Variants in XAF1 observed in about 807,000 individuals in gnomAD.
XAF1 encodes XIAP associated factor 1.
In XAF1, 32 loss-of-function variants were observed where a neutral mutation model predicts 32.3. That is an observed-to-expected ratio of 0.99 (90% confidence interval 0.75 to 1.33). XAF1 has a LOEUF of 1.33. Ranked by LOEUF, XAF1 falls within the 40% of genes most tolerant of loss-of-function variation. XAF1 has a pLI of 0.00. For missense variants in XAF1, 379 were observed against 366.0 expected, an observed-to-expected ratio of 1.04 and a Z score of -0.29; for synonymous variants, 120 against 125.9, an observed-to-expected ratio of 0.95 and a Z score of 0.31.
At chr17:6,762,001 G>T in intron 4 of XAF1, 154 bp from the exon 5 acceptor site, 1 of 1,537,448 alleles carries the variant, frequency 6.5e-7, no homozygotes, top group Non-Finnish European at 8.7e-7. Flanking sequence ...TGCCTGTGTG[G>T]TCAAGGATGC....
intron 5 of XAF1, among the ~76,000 whole-genome samples, chr17:6,767,839 AT>A (rs1485408709): frequency 2.6e-5 from 4 of 152,058 alleles, no homozygotes; most frequent in Non-Finnish European, 4.4e-5. Flanking sequence ...TGATTCGTCA[AT>A]TTTACATTTA....
chr17:6,761,763 A>C (rs1268186487), intron 4 of XAF1: 9 of 1,137,550 alleles, frequency 7.9e-6, no homozygotes, highest in Non-Finnish European at 1.0e-5. Flanking sequence ...CAACACTGTC[A>C]ACAAAAATGT....
chr17:6,764,892 T>C (rs977625104), intron 5 of XAF1, among the ~76,000 whole-genome samples: 1 of 152,150 alleles, frequency 6.6e-6, no homozygotes, highest in Non-Finnish European at 1.5e-5. Context: ...CAGTTCTCAG[T>C]TCTCAATTTA....
chr17:6,770,500 T>C (rs1975938049), intron 5 of XAF1, 143 bp from the exon 6 acceptor site: 1 of 676,024 alleles, frequency 1.5e-6, no homozygotes, highest in Non-Finnish European at 2.3e-6. Flanking sequence ...CAAAGCCAGC[T>C]ATTAAATTGA....
chr17:6,755,973 T>A (rs749348172), upstream of XAF1: 12 of 1,598,408 alleles, frequency 7.5e-6, no homozygotes, highest in Non-Finnish European at 1.0e-5. Context: ...ATTCTGAAGA[T>A]CTCCTCCCTC....
chr17:6,764,071 C>A (rs1485201626), intron 5 of XAF1, among the ~76,000 whole-genome samples: 1 of 152,222 alleles, frequency 6.6e-6, no homozygotes, highest in African/African-American at 2.4e-5. Context: ...AGCTCCAATA[C>A]ACATGGAACT....
At chr17:6,771,637 A>G (rs1976042002) in intron 6 of XAF1, 1 of 152,216 alleles carries the variant, frequency 6.6e-6, no homozygotes, top group African/African-American at 2.4e-5. Context: ...TAGCTTTCCA[A>G]GGAGTATACA....
intron 6 of XAF1, chr17:6,772,846 T>G (rs1976157538): frequency 2.8e-6 from 1 of 356,768 alleles, no homozygotes; most frequent in Non-Finnish European, 5.0e-6. Flanking sequence ...TGGCTTATTT[T>G]TATTAATGGC....
At chr17:6,759,054 A>C in intron 2 of XAF1, 1 of 735,552 alleles carries the variant, frequency 1.4e-6, no homozygotes, top group Non-Finnish European at 1.7e-6. Context: ...TCCCTGCAGG[A>C]GAGATGGGGT....
Position 6,770,991 on chromosome 17 carries a change from A to C in XAF1, c.849+7A>C. Reference sequence around the variant, plus strand: ...GATCCTAAATCAACATCAGGTACTCAGCCTCTGTTCTCTGCTTACCTTTCT... The same window carrying C: ...GATCCTAAATCAACATCAGGTACTCCGCCTCTGTTCTCTGCTTACCTTTCT... On this transcript the variant is annotated splice_region_variant and intron_variant, in intron 6 of 6. Coordinates refer to ENST00000361842, the MANE Select transcript of XAF1 (RefSeq NM_017523.5). 6.2e-7 allele frequency: 1 copy of C among 1,613,998 alleles called. No homozygotes were observed. Among genetic ancestry groups the C allele is most frequent in the Non-Finnish European group, 8.5e-7 (1 of 1,179,930 alleles).
rs1976265190 is a variant in XAF1, at chr17:6,774,168, C to T, written c.*999C>T. On this transcript the variant is annotated 3_prime_UTR_variant, in exon 7 of 7. Coordinates refer to ENST00000361842, the MANE Select transcript of XAF1 (RefSeq NM_017523.5). Reference sequence around the variant, plus strand: ...AAACTATACTACAGGGCTACAGTAACCAAAACTGCATGATACTGGTACAAA... The same window carrying T: ...AAACTATACTACAGGGCTACAGTAATCAAAACTGCATGATACTGGTACAAA... 6.6e-6 allele frequency: 1 copy of T among 152,102 alleles called. No homozygotes were observed. Among genetic ancestry groups the T allele is most frequent in the Non-Finnish European group, 1.5e-5 (1 of 68,018 alleles). The allele number at this position is 152,102 out of a possible 1,614,324, so 9.4% of individuals were successfully genotyped here. A position where few individuals can be genotyped will look rare whatever the true frequency, so the allele number is the denominator to read the frequency against.
chr17:6,758,937 C>T (rs1249779688), intron 2 of XAF1: 7 of 196,258 alleles, frequency 3.6e-5, no homozygotes, highest in Middle Eastern at 9.9e-4. Context: ...AGTTGGGGGA[C>T]GAGGGTCCAG....
At chr17:6,759,551 T>A in intron 2 of XAF1, 111 bp from the exon 3 acceptor site, 1 of 1,563,944 alleles carries the variant, frequency 6.4e-7, no homozygotes, top group Non-Finnish European at 8.6e-7. Context: ...CCTCTGGGAG[T>A]TCACAGACCC....
intron 6 of XAF1, 119 bp from the exon 7 acceptor site, chr17:6,772,994 C>G: frequency 1.2e-6 from 1 of 867,736 alleles, no homozygotes; most frequent in East Asian, 2.9e-5. Context: ...TGCCATTACA[C>G]TCCAGTCTTT....
chr17:6,755,999 T>G, upstream of XAF1: 1 of 1,611,116 alleles, frequency 6.2e-7, no homozygotes, highest in South Asian at 1.1e-5. Context: ...AGCTGTGGGC[T>G]GGGCCATCGG....
intron 1 of XAF1, among the ~76,000 whole-genome samples, chr17:6,757,605 A>AATTGAAATAATTTAATTATTTAC (rs1974788566): frequency 1.3e-5 from 2 of 148,584 alleles, no homozygotes; most frequent in African/African-American, 2.5e-5. Flanking sequence ...ACTTCTCTCA[A>AATTGAAATAATTTAATTATTTAC]ATTATTTAAA....
At chr17:6,757,147 G>A (rs754300178) in intron 1 of XAF1, among the ~76,000 whole-genome samples, 11 of 152,188 alleles carry the variant, frequency 7.2e-5, no homozygotes, top group East Asian at 3.9e-4. Context: ...GATTACAGGC[G>A]TGCACCGCCA....
intron 2 of XAF1, 29 bp from the exon 3 acceptor site, chr17:6,759,629 GGTGT>G (rs3833979): frequency 2.3e-4 from 345 of 1,503,784 alleles, no homozygotes; most frequent in Middle Eastern, 8.2e-4. Flanking sequence ...ACCCACATCT[GGTGT>G]GTGTGTGTGT....
chr17:6,760,816 A>C (rs190591791), intron 4 of XAF1, among the ~76,000 whole-genome samples: 1 of 152,198 alleles, frequency 6.6e-6, no homozygotes, highest in Non-Finnish European at 1.5e-5. Flanking sequence ...CAGGGAGACT[A>C]GGAGGCCGGG....
Sources: allele counts gnomAD v4.1 joint callset (sites outside exome capture counted in the v4.1 genomes callset), GRCh38; gene constraint gnomAD v4.1.1; transcripts MANE v1.5; gene names NCBI Gene and HGNC (gene_info 2026-07-23, HGNC 2026-07-21).